The following CATSPERT variants were observed in gnomAD, a reference collection of about 807,000 sequenced individuals.
The protein encoded by CATSPERT is catsper channel auxiliary subunit tau, also known as cation channel sperm-associated targeting subunit tau.
chr2:201,618,837 C>CA, the CATSPERT span: 1 of 1,516,788 alleles, frequency 6.6e-7, no homozygotes, highest in Non-Finnish European at 9.0e-7. Flanking sequence ...ATCCTTTCAC[C>CA]ACCCTCCAGG....
the CATSPERT span, chr2:201,494,230 T>C: frequency 1.3e-6 from 2 of 1,536,536 alleles, no homozygotes; most frequent in Non-Finnish European, 1.7e-6. Flanking sequence ...ACTACTTTTC[T>C]CTCTTGCTTC....
chr2:201,609,899 A>T, the CATSPERT span, among the ~76,000 whole-genome samples: 2 of 149,332 alleles, frequency 1.3e-5, no homozygotes, highest in Non-Finnish European at 3.0e-5. Flanking sequence ...CAAAACAAAA[A>T]TTTGGCTTTT....
the CATSPERT span, chr2:201,491,753 T>C: frequency 6.5e-7 from 1 of 1,537,148 alleles, no homozygotes; most frequent in Non-Finnish European, 8.7e-7. Flanking sequence ...ACATGCTCCT[T>C]TCTATCAAGG....
At chr2:201,582,598 A>C in the CATSPERT span, among the ~76,000 whole-genome samples, 1 of 152,212 alleles carries the variant, frequency 6.6e-6, no homozygotes, top group Non-Finnish European at 1.5e-5. Flanking sequence ...ACGAAATCCA[A>C]ATAATCCAGA....
the CATSPERT span, among the ~76,000 whole-genome samples, chr2:201,549,164 T>C: frequency 2.6e-5 from 4 of 152,164 alleles, no homozygotes; most frequent in Non-Finnish European, 5.9e-5. Context: ...TGCAATGGAT[T>C]GCAGCCTATC....
the CATSPERT span, among the ~76,000 whole-genome samples, chr2:201,614,298 A>G: frequency 6.6e-6 from 1 of 152,186 alleles, no homozygotes; most frequent in African/African-American, 2.4e-5. Context: ...AATGTTAAGG[A>G]CAGCCAGAGA....
the CATSPERT span, among the ~76,000 whole-genome samples, chr2:201,580,569 T>C: frequency 1.3e-5 from 2 of 152,224 alleles, no homozygotes; most frequent in African/African-American, 4.8e-5. Context: ...AGTCACGAAT[T>C]TTCCTTTATT....
the CATSPERT span, among the ~76,000 whole-genome samples, chr2:201,563,774 C>T: frequency 6.6e-6 from 1 of 152,200 alleles, no homozygotes; most frequent in Non-Finnish European, 1.5e-5. Flanking sequence ...GACCAATCAT[C>T]TCACTGCACA....
the CATSPERT span, among the ~76,000 whole-genome samples, chr2:201,594,512 C>G: frequency 6.6e-6 from 1 of 152,238 alleles, no homozygotes; most frequent in African/African-American, 2.4e-5. Context: ...TTTCCTGAAT[C>G]TGAATGTTGG....
chr2:201,515,856 G>C, the CATSPERT span, among the ~76,000 whole-genome samples: 1 of 152,134 alleles, frequency 6.6e-6, no homozygotes, highest in Non-Finnish European at 1.5e-5. Context: ...GCCCTGAATG[G>C]GAAAATTTCC....
chr2:201,603,360 A>G, the CATSPERT span: 8 of 1,187,436 alleles, frequency 6.7e-6, 1 homozygote, highest in South Asian at 1.3e-4. Flanking sequence ...CTCTATTTTT[A>G]AAAAGTAAAA....
the CATSPERT span, chr2:201,494,716 T>A: frequency 6.5e-7 from 1 of 1,532,368 alleles, no homozygotes; most frequent in Non-Finnish European, 8.7e-7. Context: ...TTTGTTTATA[T>A]TCCTTAGAAA....
chr2:201,578,108 T>C, the CATSPERT span, among the ~76,000 whole-genome samples: 1 of 152,154 alleles, frequency 6.6e-6, no homozygotes, highest in Non-Finnish European at 1.5e-5. Flanking sequence ...TGTATTAATA[T>C]TAGAAACATA....
chr2:201,540,413 C>T, the CATSPERT span, among the ~76,000 whole-genome samples: 2 of 152,160 alleles, frequency 1.3e-5, no homozygotes, highest in Non-Finnish European at 2.9e-5. Flanking sequence ...AAGGACAGGC[C>T]AACTCTCTTG....
the CATSPERT span, among the ~76,000 whole-genome samples, chr2:201,520,093 AC>A: frequency 6.6e-6 from 1 of 152,332 alleles, no homozygotes; most frequent in Non-Finnish European, 1.5e-5. Flanking sequence ...TATAATAATA[AC>A]AAAAGGATCA....
chr2:201,603,276 C>T, the CATSPERT span: 1 of 1,609,194 alleles, frequency 6.2e-7, no homozygotes, highest in Non-Finnish European at 8.5e-7. Flanking sequence ...GGCAGCCAAC[C>T]TACAACAATC....
At chr2:201,541,581 A>AATT in the CATSPERT span, among the ~76,000 whole-genome samples, 1 of 133,998 alleles carries the variant, frequency 7.5e-6, no homozygotes, top group Non-Finnish European at 1.6e-5. Flanking sequence ...ATATATATAA[A>AATT]ATTTACAAAA....
the CATSPERT span, among the ~76,000 whole-genome samples, chr2:201,498,700 A>G: frequency 6.6e-5 from 10 of 152,218 alleles, no homozygotes; most frequent in Non-Finnish European, 1.0e-4. Flanking sequence ...GGGAATGTCC[A>G]TAGTTATTAA....
At chr2:201,547,519 G>A in the CATSPERT span, 4 of 1,532,728 alleles carry the variant, frequency 2.6e-6, no homozygotes, top group African/African-American at 2.8e-5. Context: ...GAATCCTTAT[G>A]TTCCAATTTT....
Sources: gnomAD v4.1 joint callset for allele counts (sites outside exome capture counted in the v4.1 genomes callset) on GRCh38, gnomAD v4.1.1 for gene constraint, MANE v1.5 for transcripts, NCBI Gene and HGNC (gene_info 2026-07-23, HGNC 2026-07-21) for gene names.